Variants in CXCL13 observed in about 807,000 individuals in gnomAD.
CXCL13 encodes the protein C-X-C motif chemokine ligand 13, also known as C-X-C motif chemokine 13.
Under a neutral mutation model 12.2 loss-of-function variants are expected in CXCL13, and 7 were observed. The observed-to-expected ratio is 0.57, with a 90% CI of 0.33 to 1.07. The LOEUF (loss-of-function observed/expected upper bound fraction) is 1.07, where lower values mean the gene tolerates loss of function less well. CXCL13 is among the 50% of genes least tolerant of loss of function. CXCL13 has a pLI of 0.04. For synonymous variants in CXCL13, 47 were observed against 42.4 expected (o/e 1.11, Z -0.42); for missense variants, 113 against 127.4 (o/e 0.89, Z 0.55).
At chr4:77,609,531 C>A (rs1463205633) in intron 2 of CXCL13, among the ~76,000 whole-genome samples, 1 of 152,046 alleles carries the variant, frequency 6.6e-6, no homozygotes, top group East Asian at 1.9e-4. Flanking sequence ...GTTGCCCAGG[C>A]TCCTGGCCTC....
intron 1 of CXCL13, among the ~76,000 whole-genome samples, chr4:77,592,245 C>T (rs1726631098): frequency 6.6e-6 from 1 of 152,332 alleles, no homozygotes; most frequent in South Asian, 2.1e-4. Context: ...CAATAGAGTA[C>T]TATTCAGCCT....
At chr4:77,552,904 G>A (rs78187476) in intron 1 of CXCL13, among the ~76,000 whole-genome samples, 9,954 of 152,294 alleles carry the variant, frequency 0.065, 1,043 homozygotes, top group African/African-American at 0.23. Context: ...AGGCCAGGGG[G>A]TACTCTGAAT....
Position 77,582,568 on chromosome 4 carries a change from T to A in CXCL13, c.-42-23256T>A, listed in dbSNP as rs144813985. ...AAACCAGCGTGGGGGAAGCTTGACG[T>A]AGGAACTAAGAGAATACAGAAGGGG... On this transcript the variant is annotated intron_variant, in intron 1 of 4. Coordinates refer to the CXCL13 transcript ENST00000286758. Among the ~76,000 whole-genome samples, 1,078 of 152,158 alleles carry A rather than the reference T, an allele frequency of 7.1e-3. 5 individuals carry two copies. The highest frequency in any genetic ancestry group is 0.011 in the Non-Finnish European group (780 of 67,982).
chr4:77,540,526 G>A lies in CXCL13; in HGVS notation c.-43+28738G>A, dbSNP rs187154954. Among the ~76,000 whole-genome samples, 554 of 152,164 alleles carry A rather than the reference G, an allele frequency of 3.6e-3. 1 individual carries two copies. Among genetic ancestry groups the A allele is most frequent in the African/African-American group, 0.012 (517 of 41,518 alleles). On this transcript the variant is annotated intron_variant, in intron 1 of 4. Coordinates refer to the CXCL13 transcript ENST00000286758. ...AAGAAGTGACAGCATGTGGTATCTGGTTTGCTGTTCCTGTGTTAATCTACT... is the reference window on the plus strand; with the variant it reads ...AAGAAGTGACAGCATGTGGTATCTGATTTGCTGTTCCTGTGTTAATCTACT...
chr4:77,533,510 A>G (rs1724983017), intron 1 of CXCL13, among the ~76,000 whole-genome samples: 1 of 152,166 alleles, frequency 6.6e-6, no homozygotes, highest in Admixed American at 6.5e-5. Context: ...CAGTCTGTCC[A>G]TTCTCAGATG....
intron 1 of CXCL13, among the ~76,000 whole-genome samples, chr4:77,562,910 TG>T (rs1251188853): frequency 1.3e-5 from 2 of 152,068 alleles, no homozygotes; most frequent in Admixed American, 6.5e-5. Flanking sequence ...AGGATGTGGG[TG>T]GGGCCAGATA....
In CXCL13 at chr4:77,571,298, T is replaced by C. The variant is rs556289589; in HGVS notation, c.-42-34526T>C. ...TTATGTCTAGCTCAGGGATTGTAAA[T>C]ACACCAATCAGCACCCTGTGTTTAG... On this transcript the variant is annotated intron_variant, in intron 1 of 4. Coordinates refer to the CXCL13 transcript ENST00000286758. Among the ~76,000 whole-genome samples the C allele has an allele frequency of 1.4e-3, 208 of 146,114 alleles. 5 individuals are homozygous for C. Among genetic ancestry groups the C allele is most frequent in the African/African-American group, 5.1e-3 (197 of 38,946 alleles).
chr4:77,605,719 G>A (rs1334975979), upstream of CXCL13: 4 of 432,608 alleles, frequency 9.2e-6, no homozygotes, highest in Non-Finnish European at 1.7e-5. Flanking sequence ...CAATATTTGG[G>A]GGCTTTTAAA....
intron 1 of CXCL13, among the ~76,000 whole-genome samples, chr4:77,545,609 C>A (rs912913137): frequency 1.3e-5 from 2 of 152,168 alleles, no homozygotes; most frequent in Non-Finnish European, 2.9e-5. Flanking sequence ...TATCCTGAGA[C>A]TTTGCTGAAG....
intron 1 of CXCL13, among the ~76,000 whole-genome samples, chr4:77,569,983 T>C (rs1726029189): frequency 6.6e-6 from 1 of 152,156 alleles, no homozygotes; most frequent in Admixed American, 6.5e-5. Context: ...TGCCTACAAC[T>C]ATCTGATCTT....
Position 77,610,675 on chromosome 4 carries a change from A to G in CXCL13, c.259A>G (p.Met87Val), listed in dbSNP as rs1727124130. The change falls in exon 3 of 4, where the codon ATG becomes GTG. Residue 87 changes from methionine (M) to valine (V), a missense_variant. Transcript: ENST00000682537. ...CCCTCAAGCTGAATGGATACAAAGA[A>G]TGATGGAAGTATTGAGAAAGTAAGT... Reference protein sequence around the residue: ...VDPQAEWIQRMMEVLRKRSSS... With the variant: ...VDPQAEWIQRVMEVLRKRSSS... 1.2e-6 allele frequency: 2 copies of G among 1,612,744 alleles called. No homozygotes were observed. The highest frequency in any genetic ancestry group is 1.7e-6 in the Non-Finnish European group (2 of 1,178,650).
chr4:77,530,990 G>A (rs1724900347), intron 1 of CXCL13, among the ~76,000 whole-genome samples: 3 of 151,644 alleles, frequency 2.0e-5, no homozygotes, highest in Admixed American at 1.3e-4. Context: ...GTTCTCGTTG[G>A]TTTCAAAGAA....
intron 1 of CXCL13, among the ~76,000 whole-genome samples, chr4:77,558,201 T>C (rs1278587079): frequency 6.6e-6 from 1 of 152,246 alleles, no homozygotes; most frequent in Non-Finnish European, 1.5e-5. Context: ...TCTGGCTGTT[T>C]TTGCAGCAAC....
At chr4:77,518,595 G>T (rs1447925935) in intron 1 of CXCL13, among the ~76,000 whole-genome samples, 3 of 152,070 alleles carry the variant, frequency 2.0e-5, no homozygotes, top group African/African-American at 7.2e-5. Context: ...ATCAGCTCCT[G>T]AGGCTTCTGC....
intron 1 of CXCL13, among the ~76,000 whole-genome samples, chr4:77,542,575 T>C (rs1440245667): frequency 6.6e-6 from 1 of 152,124 alleles, no homozygotes; most frequent in African/African-American, 2.4e-5. Flanking sequence ...TACTGGGGAT[T>C]ACAATTCTAC....
intron 1 of CXCL13, among the ~76,000 whole-genome samples, chr4:77,554,169 C>T (rs1206808288): frequency 6.6e-6 from 1 of 152,110 alleles, no homozygotes; most frequent in African/African-American, 2.4e-5. Context: ...ACAGCATTCC[C>T]TCATCAATTG....
chr4:77,520,970 T>C (rs1277449338), intron 1 of CXCL13, among the ~76,000 whole-genome samples: 1 of 152,242 alleles, frequency 6.6e-6, no homozygotes, highest in Non-Finnish European at 1.5e-5. Context: ...TCCATTGAGA[T>C]AATCATGTGG....
chr4:77,520,605 G>A (rs1305112485), intron 1 of CXCL13, among the ~76,000 whole-genome samples: 2 of 152,276 alleles, frequency 1.3e-5, no homozygotes, highest in East Asian at 1.9e-4. Flanking sequence ...TCAGCTTAAG[G>A]AGATTTTGGG....
chr4:77,521,259 T>C (rs1578033888), intron 1 of CXCL13, among the ~76,000 whole-genome samples: 1 of 152,212 alleles, frequency 6.6e-6, no homozygotes, highest in Non-Finnish European at 1.5e-5. Context: ...CTCCCTCTTT[T>C]TCTATTGATT....
Sources: gnomAD v4.1 joint callset for allele counts (sites outside exome capture counted in the v4.1 genomes callset) on GRCh38, gnomAD v4.1.1 for gene constraint, MANE v1.5 for transcripts, NCBI Gene and HGNC (gene_info 2026-07-23, HGNC 2026-07-21) for gene names.